Variants in PTPRA observed in about 807,000 individuals in gnomAD.
The protein encoded by PTPRA is receptor-type tyrosine-protein phosphatase alpha.
PTPRA carries 25 observed loss-of-function variants against 104.8 expected under a neutral mutation model. That is an observed-to-expected ratio of 0.24 (90% CI 0.17 to 0.33). The LOEUF (loss-of-function observed/expected upper bound fraction) is 0.33. Ranked by LOEUF, PTPRA falls within the 10% of genes least tolerant of loss-of-function variation. The pLI, the probability that PTPRA is intolerant of heterozygous loss-of-function variation, is 1.00. For synonymous variants in PTPRA, 323 were observed against 368.9 expected (o/e 0.88, Z 1.43); for missense variants, 765 against 1,015.3 (o/e 0.75, Z 3.35).
intron 2 of PTPRA, among the ~76,000 whole-genome samples, chr20:2,941,729 G>T (rs1302037204): frequency 2.0e-5 from 3 of 152,064 alleles, no homozygotes; most frequent in Non-Finnish European, 4.4e-5. Flanking sequence ...CTTCAGACAC[G>T]GTGGCTTCTT....
chr20:3,014,294 T>A (rs1302539880), intron 11 of PTPRA, among the ~76,000 whole-genome samples: 1 of 152,216 alleles, frequency 6.6e-6, no homozygotes, highest in African/African-American at 2.4e-5. Context: ...GCTTTCTCCT[T>A]CTGTGTTGGG....
At chr20:2,910,589 G>GTTTTTTTTTTTTT (rs1423909050) in intron 1 of PTPRA, among the ~76,000 whole-genome samples, 37 of 57,928 alleles carry the variant, frequency 6.4e-4, no homozygotes, top group East Asian at 2.3e-3. Flanking sequence ...TTTTTTTTTT[G>GTTTTTTTTTTTTT]TTTTTTTTTT....
At chr20:2,941,133 C>G (rs1410776676) in intron 2 of PTPRA, among the ~76,000 whole-genome samples, 1 of 152,036 alleles carries the variant, frequency 6.6e-6, no homozygotes, top group South Asian at 2.1e-4. Context: ...TGGGTTCAAG[C>G]AGTTCTCCTG....
intron 2 of PTPRA, among the ~76,000 whole-genome samples, chr20:2,937,899 C>T (rs1214552411): frequency 6.6e-6 from 1 of 152,066 alleles, no homozygotes; most frequent in East Asian, 1.9e-4. Flanking sequence ...TTGTGGTTTC[C>T]ATGGTTCCTG....
At chr20:3,002,912 A>T (rs1469141457) in intron 9 of PTPRA, among the ~76,000 whole-genome samples, 1 of 151,734 alleles carries the variant, frequency 6.6e-6, no homozygotes, top group Non-Finnish European at 1.5e-5. Context: ...CATCAACCTC[A>T]CCTTCTGCGT....
chr20:3,014,923 T>C (rs963839711), intron 11 of PTPRA, among the ~76,000 whole-genome samples: 3 of 152,210 alleles, frequency 2.0e-5, no homozygotes, highest in Non-Finnish European at 4.4e-5. Context: ...CAATAAAGAC[T>C]GAAAAAGAAA....
At chr20:2,951,825 C>G (rs1214534938) in intron 3 of PTPRA, among the ~76,000 whole-genome samples, 1 of 152,166 alleles carries the variant, frequency 6.6e-6, no homozygotes, top group Non-Finnish European at 1.5e-5. Context: ...CTGTTGGCCT[C>G]ATCATATTTG....
chr20:2,917,913 AC>A (rs1243863934), intron 1 of PTPRA, among the ~76,000 whole-genome samples: 6 of 151,374 alleles, frequency 4.0e-5, no homozygotes, highest in Admixed American at 1.3e-4. Context: ...AGATTGTGAA[AC>A]CCCGTTTCTA....
chr20:3,029,540 C>CTTTTT lies in PTPRA; in HGVS notation c.1920+1713_1920+1717dup, dbSNP rs71195813. Among the ~76,000 whole-genome samples the CTTTTT allele has an allele frequency of 9.0e-4, 70 of 78,062 alleles. 10 individuals are homozygous for CTTTTT. The highest frequency in any genetic ancestry group is 3.3e-3 in the African/African-American group (60 of 18,036). The allele number at this position is 78,062 out of a possible 152,430, so 51.2% of individuals were successfully genotyped here. A position where few individuals can be genotyped will look rare whatever the true frequency, so the allele number is the denominator to read the frequency against. Reference sequence around the variant, plus strand: ...GACATACTTTGTAGGTCTTCATCATCTTTTTTTTTTTTTTTTTTGAGACGG... The same window carrying CTTTTT: ...GACATACTTTGTAGGTCTTCATCATCTTTTTTTTTTTTTTTTTTTTTTTGAGACGG... On this transcript the variant is annotated intron_variant, in intron 20 of 23. Transcript: ENST00000399903.
chr20:2,867,701 T>C, the PTPRA span, among the ~76,000 whole-genome samples: 1 of 152,208 alleles, frequency 6.6e-6, no homozygotes, highest in African/African-American at 2.4e-5. Flanking sequence ...GCCCCCACTT[T>C]GTCTACAAGG....
intron 1 of PTPRA, among the ~76,000 whole-genome samples, chr20:2,917,620 C>G (rs934703826): frequency 2.0e-5 from 3 of 152,088 alleles, no homozygotes; most frequent in Non-Finnish European, 4.4e-5. Context: ...TCCAACATTT[C>G]TAGATTTTGG....
chr20:2,892,598 GTGTTGCCAGGTGAT>G (rs2058842770), intron 1 of PTPRA, among the ~76,000 whole-genome samples: 1 of 152,206 alleles, frequency 6.6e-6, no homozygotes, highest in African/African-American at 2.4e-5. Flanking sequence ...ATGGTGTACT[GTGTTGCCAGGTGAT>G]TCTGCTCAAC....
At chr20:2,899,223 C>CTAGAGTGAGA (rs1197078054) in intron 1 of PTPRA, among the ~76,000 whole-genome samples, 1 of 152,004 alleles carries the variant, frequency 6.6e-6, no homozygotes, top group Non-Finnish European at 1.5e-5. Context: ...ATAGTCCTAG[C>CTAGAGTGAGA]TAGAGTGAGA....
At chr20:2,910,018 AATCT>A (rs2059600989) in intron 1 of PTPRA, among the ~76,000 whole-genome samples, 1 of 85,756 alleles carries the variant, frequency 1.2e-5, no homozygotes, top group Non-Finnish European at 1.9e-5. Flanking sequence ...TATCATATAT[AATCT>A]ATCATATATC....
Position 3,022,649 on chromosome 20 carries a change from A to C in PTPRA, c.1329-40A>C. 5 of 1,611,752 alleles carry C rather than the reference A, an allele frequency of 3.1e-6. No homozygotes were observed. Among genetic ancestry groups the C allele is most frequent in the Non-Finnish European group, 4.2e-6 (5 of 1,178,314 alleles). The stretch of plus-strand genomic sequence containing the variant: ...CCCTCCCTATCTGCTCCCACAAGGC[A>C]GGCTGGCCATCCCTATAACCCCCTG... On this transcript the variant is annotated intron_variant, in intron 15 of 23. Coordinates refer to ENST00000399903, the MANE Select transcript of PTPRA (RefSeq NM_001385305.1). This position sits in a 1 kb window ranked among gnomAD's most constrained non-coding sequence, Gnocchi z 4.6.
At chr20:2,876,117 G>A (rs1472826242) in intron 1 of PTPRA, among the ~76,000 whole-genome samples, 1 of 152,204 alleles carries the variant, frequency 6.6e-6, no homozygotes, top group Non-Finnish European at 1.5e-5. Context: ...GCAATATAGG[G>A]CCAAATGCAG....
chr20:2,967,201 T>C (rs2147954195), intron 5 of PTPRA, among the ~76,000 whole-genome samples: 1 of 152,340 alleles, frequency 6.6e-6, no homozygotes, highest in Middle Eastern at 3.4e-3. Flanking sequence ...AACTTAGTTT[T>C]CCATAAACTG....
At chr20:2,969,895 A>G (rs1600190757) in intron 5 of PTPRA, among the ~76,000 whole-genome samples, 1 of 151,828 alleles carries the variant, frequency 6.6e-6, no homozygotes. Flanking sequence ...GCGTGAACCC[A>G]GGAGGTGGAG....
chr20:3,014,585 C>T (rs1482323447), intron 11 of PTPRA, among the ~76,000 whole-genome samples: 2 of 151,596 alleles, frequency 1.3e-5, no homozygotes, highest in Non-Finnish European at 2.9e-5. Flanking sequence ...AGAAGGTTGC[C>T]GTGAGCCAAG....
Sources: gnomAD v4.1 joint callset for allele counts (sites outside exome capture counted in the v4.1 genomes callset) on GRCh38, gnomAD v4.1.1 for gene constraint, Gnocchi (gnomAD v3.1) non-coding constraint, MANE v1.5 for transcripts, NCBI Gene and HGNC (gene_info 2026-07-23, HGNC 2026-07-21) for gene names.